Variants in CKMT1A observed in about 807,000 individuals in gnomAD.
CKMT1A encodes creatine kinase U-type, mitochondrial.
A neutral mutation model predicts 21.8 loss-of-function variants in CKMT1A; 23 were observed. The observed-to-expected ratio is 1.05, with a 90% CI of 0.76 to 1.49. The LOEUF (loss-of-function observed/expected upper bound fraction) is 1.49. Ranked by LOEUF, CKMT1A falls within the 40% of genes most tolerant of loss-of-function variation. The pLI, the probability that CKMT1A is intolerant of heterozygous loss-of-function variation, is 0.00. For synonymous variants in CKMT1A, 67 were observed against 80.4 expected (o/e 0.83, Z 0.89); for missense variants, 154 against 229.4 (o/e 0.67, Z 2.12).
chr15:43,698,126 T>C lies in CKMT1A; in HGVS notation c.989T>C (p.Ile330Thr), dbSNP rs1467142214. The change falls in exon 7 of 9, where the codon ATC (isoleucine) becomes ACC (threonine). Residue 330 changes from isoleucine (I) to threonine (T), a missense_variant. Coordinates refer to ENST00000413453, the MANE Select transcript of CKMT1A (RefSeq NM_001321926.2). The part of the protein sequence containing the change: ...LGTGLRAGVH[I>T]KLPLLSKDSR... ...ACTGGACTTCGGGCAGGAGTGCACA[T>C]CAAACTGCCCCTGCTAAGCAAAGTA... 1 of 1,611,942 alleles carries C rather than the reference T, an allele frequency of 6.2e-7. No homozygotes were observed. The highest frequency in any genetic ancestry group is 1.1e-5 in the South Asian group (1 of 90,968).
In CKMT1A at chr15:43,697,330, C is replaced by T. The variant is rs544391970; in HGVS notation, c.877-684C>T. On this transcript the variant is annotated intron_variant, in intron 6 of 8. Transcript: ENST00000413453. ...CCCCATGTTCAGCACATAAGATATC[C>T]CTGGTGGCATGGTTCCTTCTGAACT... 17 of 1,264,996 alleles carry T rather than the reference C, an allele frequency of 1.3e-5. 1 individual carries two copies. The highest frequency in any genetic ancestry group is 2.2e-4 in the Middle Eastern group (1 of 4,502). 78.4% of individuals were successfully genotyped at this position (1,264,996 alleles called of 1,614,324 possible).
intron 6 of CKMT1A, chr15:43,696,710 T>A (rs1596000095): frequency 6.7e-6 from 2 of 296,348 alleles, no homozygotes; most frequent in African/African-American, 4.3e-5. Flanking sequence ...CTTAGATTGA[T>A]GTTGGCGGGG....
chr15:43,698,103 T>C lies in CKMT1A; in HGVS notation c.966T>C (p.Thr322=). The C allele has an allele frequency of 6.2e-7, 1 of 1,613,054 alleles. No homozygotes were observed. The change falls in exon 7 of 9, where the codon ACT becomes ACC. Residue 322 remains threonine (T), a synonymous_variant. Transcript: ENST00000413453. The part of the protein sequence containing the change: ...YILTCPSNLG[T]GLRAGVHIKL... ...TGACCTGTCCATCTAACCTGGGCAC[T>C]GGACTTCGGGCAGGAGTGCACATCA...
chr15:43,697,294 G>A, intron 6 of CKMT1A: 1 of 1,258,306 alleles, frequency 7.9e-7, no homozygotes, highest in Non-Finnish European at 1.0e-6. Context: ...ATTCTGGATG[G>A]AAGAGTTTCC....
rs1245562275 is a variant in CKMT1A at position 43,696,024 on chromosome 15, C to T, written c.667-15C>T. 3.2e-5 allele frequency: 15 copies of T among 461,866 alleles called. No individual in the cohort carries two copies. Among genetic ancestry groups the T allele is most frequent in the South Asian group, 8.8e-5 (4 of 45,250 alleles). 28.6% of individuals were successfully genotyped at this position (461,866 alleles called of 1,614,324 possible). On this transcript the variant is annotated splice_polypyrimidine_tract_variant and intron_variant, in intron 4 of 8. Coordinates refer to ENST00000413453, the MANE Select transcript of CKMT1A (RefSeq NM_001321926.2). ...CCATGAAGATTCTTAACCCAAGTCCCGTTACTCTTCCCAGGACCACTTTCT... is the reference window on the plus strand; with the variant it reads ...CCATGAAGATTCTTAACCCAAGTCCTGTTACTCTTCCCAGGACCACTTTCT...
Position 43,698,761 on chromosome 15 carries a change from T to C in CKMT1A, c.1132T>C (p.Ser378Pro). The change falls in exon 8 of 9, where the codon TCA becomes CCA. Residue 378 changes from serine (S) to proline (P), a missense_variant. Transcript: ENST00000413453. The stretch of plus-strand genomic sequence containing the variant: ...TTCTAATTTGGACCGACTAGGCAAA[T>C]CAGAGGTGAGATCCTAAGGGATTAG... Reference protein sequence around the residue: ...DISNLDRLGKSEVELVQLVID... With the variant: ...DISNLDRLGKPEVELVQLVID... 6.2e-7 allele frequency: 1 copy of C among 1,613,568 alleles called. No individual in the cohort carries two copies. Among genetic ancestry groups the C allele is most frequent in the Non-Finnish European group, 8.5e-7 (1 of 1,179,824 alleles).
chr15:43,698,990 G>A lies in CKMT1A; in HGVS notation c.1155G>A (p.Leu385=). ...LGKSEVELVQ[L]VIDGVNYLID... Reference sequence around the variant, plus strand: ...TCCTTCAGGTGGAGCTGGTGCAACTGGTCATCGATGGAGTAAACTATTTGA... The same window carrying A: ...TCCTTCAGGTGGAGCTGGTGCAACTAGTCATCGATGGAGTAAACTATTTGA... The change falls in exon 9 of 9, where the codon CTG becomes CTA. Residue 385 remains leucine, a synonymous_variant. Transcript: ENST00000413453. 1 of 1,613,546 alleles carries A rather than the reference G, an allele frequency of 6.2e-7. No homozygotes were observed. Among genetic ancestry groups the A allele is most frequent in the East Asian group, 2.2e-5 (1 of 44,856 alleles).
In CKMT1A at chr15:43,699,178, G is replaced by A. The variant is rs1318796036; in HGVS notation, c.*89G>A. On this transcript the variant is annotated 3_prime_UTR_variant, in exon 9 of 9. Coordinates refer to ENST00000413453, the MANE Select transcript of CKMT1A (RefSeq NM_001321926.2). ...TTCTACTTGCTCTGGACCTGCCCTC[G>A]CATCCCCTGCCTCCATCCTAGTAAA... is the stretch of plus-strand genomic sequence containing the variant. 42 of 1,601,560 alleles carry A rather than the reference G, an allele frequency of 2.6e-5. No homozygotes were observed. Among genetic ancestry groups the A allele is most frequent in the Non-Finnish European group, 3.1e-5 (36 of 1,172,064 alleles).
At chr15:43,696,591 A>C (rs913001947) in intron 6 of CKMT1A, 1 of 673,996 alleles carries the variant, frequency 1.5e-6, no homozygotes, top group African/African-American at 1.8e-5. Flanking sequence ...GGAACCTTAG[A>C]AAGTGAAGAA....
At chr15:43,697,442 C>T (rs1344936693) in intron 6 of CKMT1A, 1 of 984,820 alleles carries the variant, frequency 1.0e-6, no homozygotes, top group African/African-American at 1.7e-5. Context: ...CTCTAATAGT[C>T]ATCTTCATGA....
chr15:43,697,421 T>TG, intron 6 of CKMT1A: 1 of 985,018 alleles, frequency 1.0e-6, no homozygotes, highest in African/African-American at 1.7e-5. Flanking sequence ...CTAGATCCCT[T>TG]GTCTCTTGAA....
rs530911281 is a variant in CKMT1A at position 43,696,598 on chromosome 15, A to G, written c.876+235A>G. On this transcript the variant is annotated intron_variant, in intron 6 of 8. Coordinates refer to ENST00000413453, the MANE Select transcript of CKMT1A (RefSeq NM_001321926.2). ...GAGTGTCAGGAACCTTAGAAAGTGA[A>G]GAAGGCAGGTAATGCAAAGAAGGAA... is the stretch of plus-strand genomic sequence containing the variant. The G allele has an allele frequency of 1.0e-4, 65 of 649,208 alleles. 4 individuals are homozygous for G. In the African/African-American group the frequency reaches 1.2e-3, roughly 12 times the overall value. The allele number at this position is 649,208 out of a possible 1,614,324, so 40.2% of individuals were successfully genotyped here. A position where few individuals can be genotyped will look rare whatever the true frequency, so the allele number is the denominator to read the frequency against.
intron 6 of CKMT1A, 63 bp from the exon 7 acceptor site, chr15:43,697,951 G>A: frequency 6.2e-7 from 1 of 1,605,200 alleles, no homozygotes; most frequent in Non-Finnish European, 8.5e-7. Flanking sequence ...GTCTAGCTAA[G>A]GGAGGGTCCA....
intron 6 of CKMT1A, chr15:43,697,154 C>T: frequency 1.9e-6 from 2 of 1,048,456 alleles, no homozygotes; most frequent in Non-Finnish European, 1.3e-6. Flanking sequence ...GCCTCAGTTT[C>T]CTCATCTGTA....
rs915824978 is a variant in CKMT1A at position 43,698,780 on chromosome 15, G to T, written c.1137+14G>T. 7.4e-6 allele frequency: 12 copies of T among 1,613,578 alleles called. No homozygotes were observed. The highest frequency in any genetic ancestry group is 1.0e-5 in the Non-Finnish European group (12 of 1,179,792). On this transcript the variant is annotated intron_variant, in intron 8 of 8. Coordinates refer to ENST00000413453, the MANE Select transcript of CKMT1A (RefSeq NM_001321926.2). ...GGCAAATCAGAGGTGAGATCCTAAG[G>T]GATTAGGATGAGGAGAGGTATAGGT...
rs138770333 is a variant in CKMT1A, at chr15:43,698,981, G to A, written c.1146G>A (p.Leu382=). ...LDRLGKSEVE[L]VQLVIDGVNY... Reference sequence around the variant, plus strand: ...AGATTAGTGTCCTTCAGGTGGAGCTGGTGCAACTGGTCATCGATGGAGTAA... The same window carrying A: ...AGATTAGTGTCCTTCAGGTGGAGCTAGTGCAACTGGTCATCGATGGAGTAA... The change falls in exon 9 of 9, where the codon CTG becomes CTA. Residue 382 remains leucine, a synonymous_variant. Coordinates refer to ENST00000413453, the MANE Select transcript of CKMT1A (RefSeq NM_001321926.2). The A allele has an allele frequency of 9.9e-5, 159 of 1,613,544 alleles. No individual in the cohort carries two copies. Among genetic ancestry groups the A allele is most frequent in the Non-Finnish European group, 1.0e-4 (121 of 1,179,876 alleles).
At chr15:43,697,572 G>C (rs2086467426) in intron 6 of CKMT1A, 1 of 984,434 alleles carries the variant, frequency 1.0e-6, no homozygotes, top group Non-Finnish European at 1.2e-6. Context: ...ACAGCTAATA[G>C]AACGTTATCT....
intron 4 of CKMT1A, 44 bp downstream of exon 4, chr15:43,695,953 A>G (rs2086436504): frequency 3.0e-6 from 1 of 331,566 alleles, no homozygotes; most frequent in Non-Finnish European, 5.2e-6. Flanking sequence ...GCAGATGGGG[A>G]AGGCTGGGCC....
At chr15:43,696,481 C>T (rs2086447848) in intron 6 of CKMT1A, 118 bp downstream of exon 6, 1 of 1,499,936 alleles carries the variant, frequency 6.7e-7, no homozygotes, top group East Asian at 2.3e-5. Flanking sequence ...GTAAAAAGGA[C>T]TACCTAGGAC....
Sources: allele counts gnomAD v4.1 joint callset, GRCh38; gene constraint gnomAD v4.1.1; transcripts MANE v1.5; gene names NCBI Gene and HGNC (gene_info 2026-07-23, HGNC 2026-07-21).